Variants in GUCY2F observed in about 807,000 individuals in gnomAD.
GUCY2F encodes the protein guanylate cyclase 2F, retinal, also known as retinal guanylyl cyclase 2.
A neutral mutation model predicts 73.1 loss-of-function variants in GUCY2F; 61 were observed. The observed-to-expected ratio is 0.83, with a 90% CI of 0.68 to 1.03. The LOEUF is 1.03. GUCY2F is among the 50% of genes least tolerant of loss of function. The probability of loss-of-function intolerance (pLI) is 0.00; values close to 1 mark genes in which losing one functional copy is unlikely to be tolerated. For missense variants in GUCY2F, 912 were observed against 854.3 expected (o/e 1.07, Z -0.84); for synonymous variants, 331 against 307.8 (o/e 1.08, Z -0.79).
chrX:109,416,411 A>G (rs1249863091), intron 8 of GUCY2F, among the ~76,000 whole-genome samples: 4 of 110,893 alleles, frequency 3.6e-5, no homozygotes, highest in Non-Finnish European at 5.7e-5. Flanking sequence ...TAATAACTGA[A>G]GTAAAAAAAT....
chrX:109,375,890 G>C lies in GUCY2F; in HGVS notation c.*1+8C>G. On this transcript the variant is annotated splice_region_variant and intron_variant, in intron 19 of 19. Transcript: ENST00000218006. ...GCTGCTGTGCTCTGTTTTCCTCCTG[G>C]CCATTACCTTATGGCTTGTTTCTCA... 1 of 1,183,824 alleles carries C rather than the reference G, an allele frequency of 8.4e-7. No homozygotes were observed. The highest frequency in any genetic ancestry group is 1.1e-6 in the Non-Finnish European group (1 of 870,733).
Position 109,409,684 on chromosome X carries a change from G to A in GUCY2F, c.1792-516C>T, listed in dbSNP as rs370557528. On this transcript the variant is annotated intron_variant, in intron 8 of 19. Coordinates refer to ENST00000218006, the MANE Select transcript of GUCY2F (RefSeq NM_001522.3). The stretch of plus-strand genomic sequence containing the variant: ...GGAGGTAATTGAATCATGGGGGCAG[G>A]TCTTTCCCATGCTGTTCTCATGATA... 5.4e-5 allele frequency among the ~76,000 whole-genome samples: 6 copies of A among 111,233 alleles called. No homozygotes were observed. In the East Asian group the frequency reaches 1.4e-3, roughly 26 times the overall value.
At chrX:109,431,051 CT>C (rs944703879) in intron 7 of GUCY2F, among the ~76,000 whole-genome samples, 1 of 111,316 alleles carries the variant, frequency 9.0e-6, no homozygotes, top group Non-Finnish European at 1.9e-5. Flanking sequence ...AAGTAAAAAA[CT>C]GCTATTTTAA....
Position 109,376,098 on chromosome X carries a change from G to C in GUCY2F, c.3220C>G (p.Pro1074Ala), listed in dbSNP as rs144318505. The change falls in exon 18 of 20, where the codon CCA becomes GCA. Residue 1074 changes from proline (P) to alanine (A), a missense_variant. Transcript: ENST00000218006. ...KGFMKPLPVP[P>A]PVDKDGQVGH... Reference sequence around the variant, plus strand: ...ACTTACCCATCTTTGTCCACTGGTGGGGGCACAGGAAGGGGCTTCATGAAG... The same window carrying C: ...ACTTACCCATCTTTGTCCACTGGTGCGGGCACAGGAAGGGGCTTCATGAAG... 191 of 1,201,004 alleles carry C rather than the reference G, an allele frequency of 1.6e-4. No homozygotes were observed. The highest frequency in any genetic ancestry group is 2.1e-4 in the Non-Finnish European group (187 of 886,687).
chrX:109,453,079 G>A (rs888856644), intron 4 of GUCY2F, among the ~76,000 whole-genome samples: 1 of 111,901 alleles, frequency 8.9e-6, no homozygotes, highest in Non-Finnish European at 1.9e-5. Flanking sequence ...AGTTCAGAGA[G>A]GAGAGAGTAT....
At chrX:109,453,328 T>C (rs1932176398) in intron 4 of GUCY2F, among the ~76,000 whole-genome samples, 177 bp downstream of exon 4, 1 of 111,506 alleles carries the variant, frequency 9.0e-6, no homozygotes, top group South Asian at 3.8e-4. Flanking sequence ...GCAAAGTACC[T>C]CTCATTGTTC....
chrX:109,428,398 T>C (rs1164504613), intron 8 of GUCY2F, among the ~76,000 whole-genome samples: 2 of 111,900 alleles, frequency 1.8e-5, no homozygotes, highest in African/African-American at 3.3e-5. Flanking sequence ...AGATGCATAG[T>C]CTAAATCGAT....
intron 17 of GUCY2F, among the ~76,000 whole-genome samples, chrX:109,380,332 G>A (rs1488450520): frequency 1.8e-5 from 2 of 111,406 alleles, no homozygotes; most frequent in African/African-American, 3.3e-5. Context: ...CTTATTGGGG[G>A]TATATTGCAT....
chrX:109,381,746 T>C, intron 17 of GUCY2F, among the ~76,000 whole-genome samples: 1 of 112,146 alleles, frequency 8.9e-6, no homozygotes, highest in East Asian at 2.8e-4. Context: ...AACTCACAAT[T>C]ACTATGGCTT....
intron 4 of GUCY2F, among the ~76,000 whole-genome samples, chrX:109,452,648 T>C (rs111874677): frequency 0.025 from 2,748 of 111,806 alleles, 93 homozygotes; most frequent in African/African-American, 0.085. Flanking sequence ...TTTGGATAGA[T>C]TAGTAAGATT....
intron 3 of GUCY2F, among the ~76,000 whole-genome samples, chrX:109,459,424 T>C (rs754926972): frequency 9.0e-6 from 1 of 111,226 alleles, no homozygotes; most frequent in South Asian, 3.8e-4. Flanking sequence ...TCTTTGAATG[T>C]CTGTGTAATA....
rs757868929 is a variant in GUCY2F, at chrX:109,475,355, A to C, written c.582T>G (p.Asp194Glu). ...QWAHAGVISSDEDIWVHTANR... is the reference protein window; with the variant it reads ...QWAHAGVISSEEDIWVHTANR... Reference sequence around the variant, plus strand: ...TGGCTGTATGCACCCAAATGTCTTCATCTGAGGAAATGACTCCAGCATGAG... The same window carrying C: ...TGGCTGTATGCACCCAAATGTCTTCCTCTGAGGAAATGACTCCAGCATGAG... The change falls in exon 2 of 20, where the codon GAT (aspartate) becomes GAG (glutamate). Residue 194 changes from aspartate (D) to glutamate (E), a missense_variant. Transcript: ENST00000218006. The C allele has an allele frequency of 5.0e-6, 6 of 1,209,624 alleles. No homozygotes were observed. Among genetic ancestry groups the C allele is most frequent in the Non-Finnish European group, 5.6e-6 (5 of 894,814 alleles).
chrX:109,446,592 A>T (rs1215198134), intron 6 of GUCY2F, among the ~76,000 whole-genome samples: 1 of 111,245 alleles, frequency 9.0e-6, no homozygotes, highest in East Asian at 2.8e-4. Flanking sequence ...CTGAAACTGG[A>T]TCCCTTCCTT....
At chrX:109,453,940 A>G in intron 3 of GUCY2F, 81 bp from the exon 4 acceptor site, 1 of 533,430 alleles carries the variant, frequency 1.9e-6, no homozygotes. Context: ...TGTGTTCATT[A>G]TTATGGTCTG....
intron 8 of GUCY2F, among the ~76,000 whole-genome samples, chrX:109,425,915 A>C (rs1931477008): frequency 1.8e-5 from 2 of 111,590 alleles, no homozygotes; most frequent in African/African-American, 6.5e-5. Context: ...ATCGAGAAAG[A>C]GAAGGACATT....
At chrX:109,430,279 A>C (rs768052913) in intron 8 of GUCY2F, 28 bp downstream of exon 8, 2 of 752,210 alleles carry the variant, frequency 2.7e-6, no homozygotes, top group Non-Finnish European at 4.2e-6. Context: ...TTTTAGTGGG[A>C]ATTTACATAA....
intron 16 of GUCY2F, among the ~76,000 whole-genome samples, chrX:109,384,478 T>A (rs1301020934): frequency 1.8e-5 from 2 of 111,874 alleles, no homozygotes; most frequent in African/African-American, 3.3e-5. Flanking sequence ...CGAGTAAGAG[T>A]TGAGCCAGCA....
At position 109,435,962 on chromosome X, in the gene GUCY2F, A is replaced by G. The variant is rs780062018; in HGVS notation, c.1701+5389T>C. 7.2e-5 allele frequency among the ~76,000 whole-genome samples: 8 copies of G among 111,538 alleles called. No individual in the cohort carries two copies. The East Asian group carries it at 2.0e-3, about 27-fold the overall frequency. On this transcript the variant is annotated intron_variant, in intron 7 of 19. Transcript: ENST00000218006. ...TTTGCGTATATTGAACCAGCCTTGC[A>G]TCCCAGGGATGAAACCCACTTGATC...
Position 109,475,386 on chromosome X carries a change from T to C in GUCY2F, c.551A>G (p.Gln184Arg). 1 of 1,210,664 alleles carries C rather than the reference T, an allele frequency of 8.3e-7. No homozygotes were observed. The highest frequency in any genetic ancestry group is 1.1e-6 in the Non-Finnish European group (1 of 894,426). The change falls in exon 2 of 20, where the codon CAG (glutamine) becomes CGG (arginine). Residue 184 changes from glutamine to arginine, a missense_variant. Coordinates refer to ENST00000218006, the MANE Select transcript of GUCY2F (RefSeq NM_001522.3). The stretch of plus-strand genomic sequence containing the variant: ...GGAAATGACTCCAGCATGAGCCCAC[T>C]GGAAATATTTCATGACAGTTACAAG... ...RVLVTVMKYFQWAHAGVISSD... is the reference protein window; with the variant it reads ...RVLVTVMKYFRWAHAGVISSD...
Sources: allele counts gnomAD v4.1 joint callset (sites outside exome capture counted in the v4.1 genomes callset), GRCh38; gene constraint gnomAD v4.1.1; transcripts MANE v1.5; gene names NCBI Gene and HGNC (gene_info 2026-07-23, HGNC 2026-07-21).